The following ITGB5 variants were observed in gnomAD, a reference collection of about 807,000 sequenced individuals.
ITGB5 encodes integrin subunit beta 5.
Under a neutral mutation model 84.8 loss-of-function variants are expected in ITGB5, and 38 were observed. The ratio of observed to expected loss-of-function variants is 0.45; its 90% confidence interval spans 0.35 to 0.59. ITGB5 has a LOEUF of 0.59. ITGB5 is among the 20% of genes least tolerant of loss of function. The pLI is 0.01. For missense variants in ITGB5, 905 were observed against 1,034.5 expected (o/e 0.87, Z 1.72); for synonymous variants, 393 against 414.4 (o/e 0.95, Z 0.63).
At chr3:124,823,998 G>A (rs926132160) in intron 5 of ITGB5, among the ~76,000 whole-genome samples, 1 of 152,170 alleles carries the variant, frequency 6.6e-6, no homozygotes, top group African/African-American at 2.4e-5. Context: ...ATGGTGTTGA[G>A]ACGCCATCTC....
upstream of ITGB5, among the ~76,000 whole-genome samples, chr3:124,891,212 C>A (rs1480318228): frequency 1.2e-4 from 18 of 152,162 alleles, no homozygotes. Flanking sequence ...AACTCTAGTT[C>A]TGGGTATATC....
intron 12 of ITGB5, 84 bp downstream of exon 12, chr3:124,768,929 T>C (rs2063803207): frequency 9.6e-6 from 10 of 1,037,804 alleles, no homozygotes; most frequent in South Asian, 8.5e-5. Flanking sequence ...GCCTGGGCAG[T>C]GCCTCCTGAC....
chr3:124,882,089 C>T (rs1410454584), intron 1 of ITGB5, among the ~76,000 whole-genome samples: 3 of 152,160 alleles, frequency 2.0e-5, no homozygotes, highest in South Asian at 2.1e-4. Flanking sequence ...GAGTTGAGGA[C>T]GGGATGCATC....
chr3:124,850,990 T>C (rs2065144661), intron 3 of ITGB5, among the ~76,000 whole-genome samples: 1 of 152,270 alleles, frequency 6.6e-6, no homozygotes, highest in Non-Finnish European at 1.5e-5. Flanking sequence ...CCATGATCTT[T>C]TCACAGGTCT....
At chr3:124,870,893 T>C (rs1346573897) in intron 2 of ITGB5, among the ~76,000 whole-genome samples, 2 of 151,380 alleles carry the variant, frequency 1.3e-5, no homozygotes, top group African/African-American at 4.9e-5. Context: ...AACTGATTAA[T>C]TTTTTTTTCT....
chr3:124,794,908 T>C (rs369888020), intron 10 of ITGB5, among the ~76,000 whole-genome samples: 8 of 152,084 alleles, frequency 5.3e-5, no homozygotes, highest in Admixed American at 2.0e-4. Flanking sequence ...GGTGCATCCA[T>C]GTAAGCAGAA....
intron 2 of ITGB5, among the ~76,000 whole-genome samples, chr3:124,866,733 A>G (rs1246054912): frequency 6.6e-6 from 1 of 152,116 alleles, no homozygotes; most frequent in Admixed American, 6.5e-5. Context: ...GACCAGCCAC[A>G]CCTGCAGCTC....
At chr3:124,816,091 A>G (rs1207107728) in intron 8 of ITGB5, among the ~76,000 whole-genome samples, 1 of 152,158 alleles carries the variant, frequency 6.6e-6, no homozygotes, top group African/African-American at 2.4e-5. Flanking sequence ...ACCCTTGGCT[A>G]CAACAGGAGA....
At chr3:124,842,463 A>C (rs897530090) in intron 4 of ITGB5, among the ~76,000 whole-genome samples, 5 of 152,204 alleles carry the variant, frequency 3.3e-5, no homozygotes, top group Non-Finnish European at 7.3e-5. Context: ...AAGTAAAGGG[A>C]AGAGGGGAGA....
chr3:124,849,235 C>T (rs2065119576), intron 3 of ITGB5, among the ~76,000 whole-genome samples: 1 of 152,098 alleles, frequency 6.6e-6, no homozygotes, highest in Admixed American at 6.5e-5. Context: ...AACCACATAC[C>T]AACTCCAGAG....
At chr3:124,879,544 G>A (rs1027236935) in intron 1 of ITGB5, among the ~76,000 whole-genome samples, 17 of 152,192 alleles carry the variant, frequency 1.1e-4, no homozygotes, top group African/African-American at 4.1e-4. Context: ...TTCTATCCCA[G>A]CAGTTCTCAT....
chr3:124,888,306 C>G (rs1286909730), upstream of ITGB5, among the ~76,000 whole-genome samples: 3 of 152,182 alleles, frequency 2.0e-5, no homozygotes, highest in Non-Finnish European at 2.9e-5. Flanking sequence ...GATAATCTGT[C>G]AGTTTCCATG....
At chr3:124,810,609 GAAT>G (rs63222260) in intron 8 of ITGB5, among the ~76,000 whole-genome samples, 63,996 of 145,698 alleles carry the variant, frequency 0.44, 14,613 homozygotes, top group African/African-American at 0.62. Context: ...AAAAAATTAA[GAAT>G]AATAATAATA....
intron 11 of ITGB5, among the ~76,000 whole-genome samples, chr3:124,771,824 T>G (rs1220651331): frequency 6.6e-6 from 1 of 151,558 alleles, no homozygotes; most frequent in Non-Finnish European, 1.5e-5. Context: ...CTTCATATTG[T>G]GTAATGAATA....
intron 8 of ITGB5, among the ~76,000 whole-genome samples, chr3:124,813,671 T>G (rs1288201482): frequency 6.6e-6 from 1 of 152,206 alleles, no homozygotes; most frequent in African/African-American, 2.4e-5. Flanking sequence ...GCAAGGTGTG[T>G]GAGGAGGGTG....
Position 124,862,280 on chromosome 3 carries a change from T to C in ITGB5, c.157-2834A>G, listed in dbSNP as rs1233437422. 3 of 152,484 alleles carry C rather than the reference T, an allele frequency of 2.0e-5. No homozygotes were observed. The South Asian group carries it at 6.2e-4, about 32-fold the overall frequency. The allele number at this position is 152,484 out of a possible 1,614,324, so 9.4% of individuals were successfully genotyped here. A position where few individuals can be genotyped will look rare whatever the true frequency, so the allele number is the denominator to read the frequency against. ...GGAAGCATGGTCAGTTTTTTCAGAG[T>C]AATGAGAACCCCTGACACCTCTCTC... On this transcript the variant is annotated intron_variant, in intron 2 of 14. Transcript: ENST00000296181.
chr3:124,810,636 C>A (rs2064485130), intron 8 of ITGB5, among the ~76,000 whole-genome samples: 2 of 151,488 alleles, frequency 1.3e-5, no homozygotes, highest in African/African-American at 4.9e-5. Context: ...ATAATAATTT[C>A]TTTGAAAATC....
chr3:124,824,000 C>T (rs763455838), intron 5 of ITGB5, among the ~76,000 whole-genome samples: 5 of 152,134 alleles, frequency 3.3e-5, no homozygotes, highest in African/African-American at 9.7e-5. Context: ...GGTGTTGAGA[C>T]GCCATCTCTC....
chr3:124,862,134 T>G (rs2065312354), intron 2 of ITGB5: 1 of 152,360 alleles, frequency 6.6e-6, no homozygotes. Context: ...ACTGGCGAAC[T>G]GAGCCTTGCT....
Sources: allele counts gnomAD v4.1 joint callset (sites outside exome capture counted in the v4.1 genomes callset), GRCh38; gene constraint gnomAD v4.1.1; transcripts MANE v1.5; gene names NCBI Gene and HGNC (gene_info 2026-07-23, HGNC 2026-07-21).